Variants in ABCA13 observed in about 807,000 individuals in gnomAD.
ABCA13 encodes ATP binding cassette subfamily A member 13, also known as ATP-binding cassette sub-family A member 13.
In ABCA13, 476 loss-of-function variants were observed where a neutral mutation model predicts 478.7. The observed-to-expected ratio is 0.99, with a 90% CI of 0.92 to 1.07. The LOEUF is 1.07. ABCA13 is among the 50% of genes least tolerant of loss of function. The pLI is 0.00. For missense variants in ABCA13, 6,060 were observed against 5,910.6 expected (o/e 1.03, Z -0.83); for synonymous variants, 2,252 against 2,158.9 (o/e 1.04, Z -1.20).
At chr7:48,350,848 C>T in intron 30 of ABCA13, 29 bp downstream of exon 30, 1 of 1,593,512 alleles carries the variant, frequency 6.3e-7, no homozygotes, top group Non-Finnish European at 8.6e-7. Context: ...AATATGTTCG[C>T]CAAGATGCCA....
chr7:48,422,548 A>AT (rs796635035), intron 41 of ABCA13, among the ~76,000 whole-genome samples: 1 of 151,886 alleles, frequency 6.6e-6, no homozygotes, highest in Non-Finnish European at 1.5e-5. Flanking sequence ...CAGACATTGA[A>AT]TTTTTTTTCA....
chr7:48,636,213 G>A (rs1341792681), intron 59 of ABCA13, among the ~76,000 whole-genome samples: 1 of 151,994 alleles, frequency 6.6e-6, no homozygotes, highest in Non-Finnish European at 1.5e-5. Flanking sequence ...GCAAGCACCA[G>A]CCTTTTGAGA....
intron 58 of ABCA13, among the ~76,000 whole-genome samples, chr7:48,597,951 C>G (rs1245917026): frequency 1.3e-5 from 2 of 152,174 alleles, no homozygotes; most frequent in African/African-American, 4.8e-5. Flanking sequence ...ATTGACAGCA[C>G]ATTACCACCC....
rs149159862 is a variant in ABCA13, at chr7:48,638,431, G to A, written c.14838-4857G>A. On this transcript the variant is annotated intron_variant, in intron 59 of 61. Coordinates refer to ENST00000435803, the MANE Select transcript of ABCA13 (RefSeq NM_152701.5). ...AGCTGTCATGTCCCTATACGATCTC[G>A]TCTTTAAACTCAGAAGTGTATTGAG... is the stretch of plus-strand genomic sequence containing the variant. Among the ~76,000 whole-genome samples the A allele has an allele frequency of 2.4e-4, 36 of 152,242 alleles. No homozygotes were observed. In the East Asian group the frequency reaches 6.0e-3, roughly 25 times the overall value.
chr7:48,466,212 G>T (rs923181419), intron 43 of ABCA13, among the ~76,000 whole-genome samples: 3 of 152,052 alleles, frequency 2.0e-5, no homozygotes, highest in Non-Finnish European at 2.9e-5. Context: ...TCTCAAGATT[G>T]TCTTATAATT....
At chr7:48,543,877 G>C (rs1489181005) in intron 55 of ABCA13, among the ~76,000 whole-genome samples, 3 of 151,540 alleles carry the variant, frequency 2.0e-5, no homozygotes, top group Non-Finnish European at 4.4e-5. Flanking sequence ...AATTTTACTG[G>C]AGTTAAGCAT....
At chr7:48,220,037 C>A (rs1217237641) in intron 4 of ABCA13, among the ~76,000 whole-genome samples, 1 of 151,896 alleles carries the variant, frequency 6.6e-6, no homozygotes, top group African/African-American at 2.4e-5. Flanking sequence ...TGATTACAAA[C>A]CTTTTGGATT....
intron 55 of ABCA13, among the ~76,000 whole-genome samples, chr7:48,567,195 C>T (rs1193951643): frequency 6.6e-6 from 1 of 152,144 alleles, no homozygotes; most frequent in Non-Finnish European, 1.5e-5. Context: ...TGTCATTGAA[C>T]TGGATGACGG....
At chr7:48,234,301 A>AC in intron 8 of ABCA13, 150 bp downstream of exon 8, 1 of 954,992 alleles carries the variant, frequency 1.0e-6, no homozygotes, top group Middle Eastern at 3.1e-4. Flanking sequence ...CGCAGAAGAG[A>AC]CCCCTACTGT....
At chr7:48,213,874 A>G (rs1383172443) in intron 3 of ABCA13, among the ~76,000 whole-genome samples, 1 of 152,224 alleles carries the variant, frequency 6.6e-6, no homozygotes, top group Non-Finnish European at 1.5e-5. Flanking sequence ...TAGTTTTATT[A>G]TGAGATTGCA....
intron 55 of ABCA13, among the ~76,000 whole-genome samples, chr7:48,535,334 G>A (rs1168821424): frequency 2.0e-5 from 3 of 152,190 alleles, no homozygotes; most frequent in Non-Finnish European, 2.9e-5. Context: ...ATTGGGGAGT[G>A]TCTGCAAAGA....
intron 41 of ABCA13, among the ~76,000 whole-genome samples, chr7:48,414,210 C>T (rs927089490): frequency 1.1e-4 from 17 of 152,330 alleles, no homozygotes; most frequent in African/African-American, 3.1e-4. Flanking sequence ...TTGACATGAA[C>T]GGCGCCTCTG....
At chr7:48,457,670 C>T (rs1825820289) in intron 43 of ABCA13, among the ~76,000 whole-genome samples, 1 of 152,156 alleles carries the variant, frequency 6.6e-6, no homozygotes, top group East Asian at 1.9e-4. Context: ...ACTTATGAAA[C>T]AGAGACATTC....
At chr7:48,300,566 G>A (rs1195680561) in intron 23 of ABCA13, among the ~76,000 whole-genome samples, 1 of 152,224 alleles carries the variant, frequency 6.6e-6, no homozygotes, top group African/African-American at 2.4e-5. Flanking sequence ...ATCTGCATAT[G>A]AAGAGCTATA....
At chr7:48,287,015 G>T (rs949441629) in intron 19 of ABCA13, among the ~76,000 whole-genome samples, 1 of 152,230 alleles carries the variant, frequency 6.6e-6, no homozygotes, top group African/African-American at 2.4e-5. Context: ...CCCGTGGCAG[G>T]TCTTGTGCAG....
Position 48,239,397 on chromosome 7 carries a change from T to C in ABCA13, c.1054T>C (p.Tyr352His). Residue 352 changes from tyrosine (Y) to histidine (H), a missense_variant, in exon 9 of 62, where the codon TAC becomes CAC. Around this residue, in one of 3 missense-constraint regions of ABCA13, gnomAD observed 4,423 missense variants for 4,309.1 expected, o/e 1.03. Transcript: ENST00000435803. ...LVHAVSWLRVYQQVFVQWQQG... is the reference protein window; with the variant it reads ...LVHAVSWLRVHQQVFVQWQQG... ...CCATGCAGTCAGCTGGCTGCGAGTC[T>C]ACCAACAGGTGCTGTCCCCTCTCTC... 1 of 1,612,456 alleles carries C rather than the reference T, an allele frequency of 6.2e-7. No individual in the cohort carries two copies. The highest frequency in any genetic ancestry group is 8.5e-7 in the Non-Finnish European group (1 of 1,178,994).
chr7:48,494,466 G>A (rs757775180), intron 48 of ABCA13, among the ~76,000 whole-genome samples: 6 of 152,128 alleles, frequency 3.9e-5, no homozygotes, highest in Non-Finnish European at 8.8e-5. Context: ...GGTGGTACCC[G>A]AGTGAAGGTA....
Position 48,496,622 on chromosome 7 carries a change from G to C in ABCA13, c.13291+7278G>C, listed in dbSNP as rs144081649. On this transcript the variant is annotated intron_variant, in intron 48 of 61. Transcript: ENST00000435803. ...TCTTTTTGCTATTCTTTAAGAGTAG[G>C]TTTGCTAATGAAAAATTTGCTTATT... 5.9e-5 allele frequency among the ~76,000 whole-genome samples: 9 copies of C among 151,814 alleles called. No individual in the cohort carries two copies. In the East Asian group the frequency reaches 1.7e-3, roughly 29 times the overall value.
intron 9 of ABCA13, among the ~76,000 whole-genome samples, chr7:48,239,727 T>A (rs1234266431): frequency 6.6e-6 from 1 of 152,242 alleles, no homozygotes; most frequent in African/African-American, 2.4e-5. Flanking sequence ...TATGACCAGC[T>A]CTTTGGACAT....
Sources: allele counts gnomAD v4.1 joint callset (sites outside exome capture counted in the v4.1 genomes callset), GRCh38; gene constraint gnomAD v4.1.1; regional missense constraint gnomAD v4.1.1; transcripts MANE v1.5; gene names NCBI Gene and HGNC (gene_info 2026-07-23, HGNC 2026-07-21).